Variants in H1-5 observed in about 807,000 individuals in gnomAD.
H1-5 encodes H1.5 linker histone, cluster member, also known as histone H1.5.
In H1-5, 3 loss-of-function variants were observed where a neutral mutation model predicts 4.6. That is an observed-to-expected ratio of 0.65 (90% CI 0.30 to 1.68). The LOEUF is 1.68. Among genes scored for constraint, H1-5 ranks in the 40% most tolerant of loss-of-function variants. The pLI, the probability that H1-5 is intolerant of heterozygous loss-of-function variation, is 0.10. For synonymous variants in H1-5, 250 were observed against 123.4 expected (o/e 2.03, Z -6.80); for missense variants, 521 against 287.9 (o/e 1.81, Z -5.86).
chr6:27,867,586 G>T lies in H1-5; in HGVS notation c.-57C>A. The T allele has an allele frequency of 6.8e-7, 1 of 1,469,432 alleles. No homozygotes were observed. Among genetic ancestry groups the T allele is most frequent in the Non-Finnish European group, 9.1e-7 (1 of 1,097,218 alleles). The allele number at this position is 1,469,432 out of a possible 1,614,324, so 91.0% of individuals were successfully genotyped here. A position where few individuals can be genotyped will look rare whatever the true frequency, so the allele number is the denominator to read the frequency against. On this transcript the variant is annotated 5_prime_UTR_variant, in exon 1 of 1. Transcript: ENST00000331442. ...TCGAAATCTAAAGAGCAGGTTTTGC[G>T]TTGCTGCTATGCTCGGGCCCCGGGC...
chr6:27,867,535 C>A lies in H1-5; in HGVS notation c.-6G>T, dbSNP rs766108915. ...GCAGGAGCGGTTTCCGACATGGTGGCAAGAAACTGCTAGAAGAGAATAAGC... is the reference window on the plus strand; with the variant it reads ...GCAGGAGCGGTTTCCGACATGGTGGAAAGAAACTGCTAGAAGAGAATAAGC... On this transcript the variant is annotated 5_prime_UTR_variant, in exon 1 of 1. Coordinates refer to ENST00000331442, the MANE Select transcript of H1-5 (RefSeq NM_005322.3). 6.5e-7 allele frequency: 1 copy of A among 1,535,348 alleles called. No homozygotes were observed. Among genetic ancestry groups the A allele is most frequent in the Non-Finnish European group, 8.7e-7 (1 of 1,147,582 alleles).
At position 27,867,224 on chromosome 6, in the gene H1-5, A is replaced by G; in HGVS notation, c.306T>C (p.Thr102=). Residue 102 remains threonine, a synonymous_variant, in exon 1 of 1, where the codon ACT becomes ACC. Transcript: ENST00000331442. The part of the protein sequence containing the change: ...SKGTLVQTKG[T]GASGSFKLNK... Reference sequence around the variant, plus strand: ...TGAGTTTAAAGGAGCCAGAAGCACCAGTGCCCTTGGTCTGCACCAGGGTGC... The same window carrying G: ...TGAGTTTAAAGGAGCCAGAAGCACCGGTGCCCTTGGTCTGCACCAGGGTGC... 2.5e-6 allele frequency: 4 copies of G among 1,614,238 alleles called. No homozygotes were observed. Among genetic ancestry groups the G allele is most frequent in the Non-Finnish European group, 3.4e-6 (4 of 1,180,036 alleles).
chr6:27,867,355 C>T lies in H1-5; in HGVS notation c.175G>A (p.Gly59Ser), dbSNP rs974799562. ...KAVAASKERNGLSLAALKKAL... is the reference protein window; with the variant it reads ...KAVAASKERNSLSLAALKKAL... ...TTCTTAAGGGCTGCCAAAGAAAGGC[C>T]ATTGCGCTCCTTAGAAGCAGCCACA... The change falls in exon 1 of 1, where the codon GGC becomes AGC. Residue 59 changes from glycine to serine, a missense_variant. Transcript: ENST00000331442. The T allele has an allele frequency of 1.2e-6, 2 of 1,614,270 alleles. No individual in the cohort carries two copies. Among genetic ancestry groups the T allele is most frequent in the Non-Finnish European group, 1.7e-6 (2 of 1,180,044 alleles).
In H1-5 at chr6:27,867,520, T is replaced by C. The variant is rs1423369580; in HGVS notation, c.10A>G (p.Thr4Ala). The change falls in exon 1 of 1, where the codon ACC becomes GCC. Residue 4 changes from threonine (T) to alanine (A), a missense_variant. Physicochemically the swap from Thr to Ala is moderately conservative, Grantham distance 58 (BLOSUM62 0). Coordinates refer to ENST00000331442, the MANE Select transcript of H1-5 (RefSeq NM_005322.3). MSE[T>A]APAETATPAP... The stretch of plus-strand genomic sequence containing the variant: ...GGGGTGGCTGTCTCGGCAGGAGCGG[T>C]TTCCGACATGGTGGCAAGAAACTGC... 7.1e-6 allele frequency: 11 copies of C among 1,544,118 alleles called. No individual in the cohort carries two copies. The highest frequency in any genetic ancestry group is 1.3e-5 in the South Asian group (1 of 79,070).
Position 27,867,243 on chromosome 6 carries a change from A to T in H1-5, c.287T>A (p.Leu96Gln). ...AGCACCAGTGCCCTTGGTCTGCACC[A>T]GGGTGCCCTTGCTCACCAAGCTCTT... ...GLKSLVSKGT[L>Q]VQTKGTGASG... Residue 96 changes from leucine (L) to glutamine (Q), a missense_variant, in exon 1 of 1, where the codon CTG becomes CAG. Coordinates refer to ENST00000331442, the MANE Select transcript of H1-5 (RefSeq NM_005322.3). 2 of 1,614,238 alleles carry T rather than the reference A, an allele frequency of 1.2e-6. No homozygotes were observed. Among genetic ancestry groups the T allele is most frequent in the Non-Finnish European group, 1.7e-6 (2 of 1,180,024 alleles).
rs752629759 is a variant in H1-5, at chr6:27,866,817, G to T, written c.*32C>A. ...TGGGTGGCTCTGAAAAGAGCCTTTG[G>T]GGCTTTGTTGCGGTTTTCACACGCC... is the stretch of plus-strand genomic sequence containing the variant. On this transcript the variant is annotated 3_prime_UTR_variant, in exon 1 of 1. Coordinates refer to ENST00000331442, the MANE Select transcript of H1-5 (RefSeq NM_005322.3). 1 of 1,543,096 alleles carries T rather than the reference G, an allele frequency of 6.5e-7. No individual in the cohort carries two copies. The highest frequency in any genetic ancestry group is 8.7e-7 in the Non-Finnish European group (1 of 1,148,514).
rs557802671 is a variant in H1-5, at chr6:27,867,279, T to C, written c.251A>G (p.Lys84Arg). The change falls in exon 1 of 1, where the codon AAG becomes AGG. Residue 84 changes from lysine to arginine, a missense_variant. Coordinates refer to ENST00000331442, the MANE Select transcript of H1-5 (RefSeq NM_005322.3). Reference sequence around the variant, plus strand: ...GCTCACCAAGCTCTTGAGGCCCAGCTTAATGCGGCTGTTATTCTTCTCCAC... The same window carrying C: ...GCTCACCAAGCTCTTGAGGCCCAGCCTAATGCGGCTGTTATTCTTCTCCAC... ...YDVEKNNSRI[K>R]LGLKSLVSKG... 8 of 1,614,246 alleles carry C rather than the reference T, an allele frequency of 5.0e-6. 1 individual carries two copies. In the South Asian group the frequency reaches 8.8e-5, roughly 18 times the overall value.
In H1-5 at chr6:27,867,487, C is replaced by G. The variant is rs766450212; in HGVS notation, c.43G>C (p.Val15Leu). The change falls in exon 1 of 1, where the codon GTG becomes CTG. Residue 15 changes from valine (V) to leucine (L), a missense_variant. By Grantham distance (32) the Val-to-Leu change is conservative. Coordinates refer to ENST00000331442, the MANE Select transcript of H1-5 (RefSeq NM_005322.3). ...APAETATPAP[V>L]EKSPAKKKAT... Reference sequence around the variant, plus strand: ...TTCTTCTTAGCCGGGGATTTCTCCACCGGCGCTGGGGTGGCTGTCTCGGCA... The same window carrying G: ...TTCTTCTTAGCCGGGGATTTCTCCAGCGGCGCTGGGGTGGCTGTCTCGGCA... 14 of 1,583,834 alleles carry G rather than the reference C, an allele frequency of 8.8e-6. No homozygotes were observed. Among genetic ancestry groups the G allele is most frequent in the South Asian group, 2.3e-5 (2 of 86,662 alleles).
At position 27,867,131 on chromosome 6, in the gene H1-5, C is replaced by T. The variant is rs750300228; in HGVS notation, c.399G>A (p.Lys133=). The part of the protein sequence containing the change: ...AKKAGAAKAK[K]PAGATPKKAK... ...CCTTCTTAGGCGTGGCCCCCGCGGG[C>T]TTCTTAGCTTTAGCGGCGCCTGCCT... Residue 133 remains lysine, a synonymous_variant, in exon 1 of 1, where the codon AAG becomes AAA. Coordinates refer to ENST00000331442, the MANE Select transcript of H1-5 (RefSeq NM_005322.3). 6.2e-7 allele frequency: 1 copy of T among 1,614,136 alleles called. No individual in the cohort carries two copies. Among genetic ancestry groups the T allele is most frequent in the South Asian group, 1.1e-5 (1 of 91,082 alleles).
At position 27,866,887 on chromosome 6, in the gene H1-5, C is replaced by G. The variant is rs1207966785; in HGVS notation, c.643G>C (p.Ala215Pro). The G allele has an allele frequency of 6.9e-6, 11 of 1,605,484 alleles. No individual in the cohort carries two copies. Among genetic ancestry groups the G allele is most frequent in the Non-Finnish European group, 9.3e-6 (11 of 1,177,794 alleles). The change falls in exon 1 of 1, where the codon GCT (alanine) becomes CCT (proline). Residue 215 changes from alanine (A) to proline (P), a missense_variant. Transcript: ENST00000331442. ...GCAGCCGCCTTCTTGGCCTTTGCAG[C>G]TTTAGGTTTTGCTGCTTTGGGCTTA... Reference protein sequence around the residue: ...AAKPKAAKPKAAKAKKAAAKK... With the variant: ...AAKPKAAKPKPAKAKKAAAKK...
In H1-5 at chr6:27,867,475, G is replaced by A. The variant is rs1243407632; in HGVS notation, c.55C>T (p.Pro19Ser). 1.3e-6 allele frequency: 2 copies of A among 1,588,590 alleles called. No homozygotes were observed. The highest frequency in any genetic ancestry group is 1.7e-6 in the Non-Finnish European group (2 of 1,169,750). The change falls in exon 1 of 1, where the codon CCG (proline) becomes TCG (serine). Residue 19 changes from proline to serine, a missense_variant. Pro to Ser is a moderately conservative substitution (Grantham distance 74). Coordinates refer to ENST00000331442, the MANE Select transcript of H1-5 (RefSeq NM_005322.3). ...TTCTTAGTTGCCTTCTTCTTAGCCG[G>A]GGATTTCTCCACCGGCGCTGGGGTG... ...TATPAPVEKS[P>S]AKKKATKKAA...
Position 27,867,560 on chromosome 6 carries a change from C to T in H1-5, c.-31G>A, listed in dbSNP as rs764801396. ...CAAGAAACTGCTAGAAGAGAATAAG[C>T]TCGAAATCTAAAGAGCAGGTTTTGC... On this transcript the variant is annotated 5_prime_UTR_variant, in exon 1 of 1. Transcript: ENST00000331442. 6.6e-6 allele frequency: 10 copies of T among 1,517,822 alleles called. No homozygotes were observed. The African/African-American group carries it at 8.4e-5, about 13-fold the overall frequency. 94.0% of individuals were successfully genotyped at this position (1,517,822 alleles called of 1,614,324 possible). A position where few individuals can be genotyped will look rare whatever the true frequency, so the allele number is the denominator to read the frequency against.
In H1-5 at chr6:27,866,954, C is replaced by T; in HGVS notation, c.576G>A (p.Lys192=). Residue 192 remains lysine (K), a synonymous_variant, in exon 1 of 1, where the codon AAG becomes AAA. Coordinates refer to ENST00000331442, the MANE Select transcript of H1-5 (RefSeq NM_005322.3). The part of the protein sequence containing the change: ...KPKKATKSPA[K]PKAVKPKAAK... ...CCGCCTTCGGCTTAACTGCCTTGGG[C>T]TTGGCAGGACTCTTGGTTGCCTTTT... 1.2e-6 allele frequency: 2 copies of T among 1,614,182 alleles called. No individual in the cohort carries two copies. The highest frequency in any genetic ancestry group is 1.7e-6 in the Non-Finnish European group (2 of 1,180,030).
At position 27,867,544 on chromosome 6, in the gene H1-5, G is replaced by T; in HGVS notation, c.-15C>A. Reference sequence around the variant, plus strand: ...GTTTCCGACATGGTGGCAAGAAACTGCTAGAAGAGAATAAGCTCGAAATCT... The same window carrying T: ...GTTTCCGACATGGTGGCAAGAAACTTCTAGAAGAGAATAAGCTCGAAATCT... On this transcript the variant is annotated 5_prime_UTR_variant, in exon 1 of 1. Transcript: ENST00000331442. 1.3e-6 allele frequency: 2 copies of T among 1,529,362 alleles called. No homozygotes were observed. Among genetic ancestry groups the T allele is most frequent in the Non-Finnish European group, 1.7e-6 (2 of 1,143,914 alleles). 94.7% of individuals were successfully genotyped at this position (1,529,362 alleles called of 1,614,324 possible). A position where few individuals can be genotyped will look rare whatever the true frequency, so the allele number is the denominator to read the frequency against.
Position 27,867,478 on chromosome 6 carries a change from A to G in H1-5, c.52T>C (p.Ser18Pro), listed in dbSNP as rs761649062. 6.3e-6 allele frequency: 10 copies of G among 1,586,958 alleles called. No individual in the cohort carries two copies. The highest frequency in any genetic ancestry group is 8.6e-6 in the Non-Finnish European group (10 of 1,168,860). ...ETATPAPVEK[S>P]PAKKKATKKA... ...TTAGTTGCCTTCTTCTTAGCCGGGGATTTCTCCACCGGCGCTGGGGTGGCT... is the reference window on the plus strand; with the variant it reads ...TTAGTTGCCTTCTTCTTAGCCGGGGGTTTCTCCACCGGCGCTGGGGTGGCT... The change falls in exon 1 of 1, where the codon TCC (serine) becomes CCC (proline). Residue 18 changes from serine (S) to proline (P), a missense_variant. By Grantham distance (74) the Ser-to-Pro change is moderately conservative. Coordinates refer to ENST00000331442, the MANE Select transcript of H1-5 (RefSeq NM_005322.3).
At position 27,867,203 on chromosome 6, in the gene H1-5, T is replaced by C; in HGVS notation, c.327A>G (p.Lys109=). 6.2e-7 allele frequency: 1 copy of C among 1,614,184 alleles called. No individual in the cohort carries two copies. Among genetic ancestry groups the C allele is most frequent in the Non-Finnish European group, 8.5e-7 (1 of 1,180,032 alleles). ...TKGTGASGSF[K]LNKKAASGEA... Reference sequence around the variant, plus strand: ...CCCCGGAGGCCGCCTTCTTGTTGAGTTTAAAGGAGCCAGAAGCACCAGTGC... The same window carrying C: ...CCCCGGAGGCCGCCTTCTTGTTGAGCTTAAAGGAGCCAGAAGCACCAGTGC... Residue 109 remains lysine (K), a synonymous_variant, in exon 1 of 1, where the codon AAA becomes AAG. Coordinates refer to ENST00000331442, the MANE Select transcript of H1-5 (RefSeq NM_005322.3).
chr6:27,866,810 G>A lies in H1-5; in HGVS notation c.*39C>T, dbSNP rs765296415. 2 of 1,520,570 alleles carry A rather than the reference G, an allele frequency of 1.3e-6. No individual in the cohort carries two copies. Among genetic ancestry groups the A allele is most frequent in the South Asian group, 1.3e-5 (1 of 78,136 alleles). The allele number at this position is 1,520,570 out of a possible 1,614,324, so 94.2% of individuals were successfully genotyped here. A position where few individuals can be genotyped will look rare whatever the true frequency, so the allele number is the denominator to read the frequency against. On this transcript the variant is annotated 3_prime_UTR_variant, in exon 1 of 1. Coordinates refer to ENST00000331442, the MANE Select transcript of H1-5 (RefSeq NM_005322.3). The stretch of plus-strand genomic sequence containing the variant: ...AGGTCTCTGGGTGGCTCTGAAAAGA[G>A]CCTTTGGGGCTTTGTTGCGGTTTTC...
At position 27,866,871 on chromosome 6, in the gene H1-5, T is replaced by C; in HGVS notation, c.659A>G (p.Lys220Arg). Residue 220 changes from lysine to arginine, a missense_variant, in exon 1 of 1, where the codon AAG becomes AGG. Physicochemically the swap from Lys to Arg is conservative, Grantham distance 26. Transcript: ENST00000331442. Reference protein sequence around the residue: ...AAKPKAAKAKKAAAKKK With the variant: ...AAKPKAAKAKRAAAKKK ...TTCCTACTTCTTTTTGGCAGCCGCCTTCTTGGCCTTTGCAGCTTTAGGTTT... is the reference window on the plus strand; with the variant it reads ...TTCCTACTTCTTTTTGGCAGCCGCCCTCTTGGCCTTTGCAGCTTTAGGTTT... 1 of 1,598,648 alleles carries C rather than the reference T, an allele frequency of 6.3e-7. No homozygotes were observed. Among genetic ancestry groups the C allele is most frequent in the Non-Finnish European group, 8.5e-7 (1 of 1,175,872 alleles).
Position 27,867,588 on chromosome 6 carries a change from T to C in H1-5, c.-59A>G. On this transcript the variant is annotated 5_prime_UTR_variant, in exon 1 of 1. Coordinates refer to ENST00000331442, the MANE Select transcript of H1-5 (RefSeq NM_005322.3). Reference sequence around the variant, plus strand: ...GAAATCTAAAGAGCAGGTTTTGCGTTGCTGCTATGCTCGGGCCCCGGGCTT... The same window carrying C: ...GAAATCTAAAGAGCAGGTTTTGCGTCGCTGCTATGCTCGGGCCCCGGGCTT... 1 of 1,457,636 alleles carries C rather than the reference T, an allele frequency of 6.9e-7. No individual in the cohort carries two copies. Among genetic ancestry groups the C allele is most frequent in the East Asian group, 2.3e-5 (1 of 43,104 alleles). The allele number at this position is 1,457,636 out of a possible 1,614,324, so 90.3% of individuals were successfully genotyped here. A position where few individuals can be genotyped will look rare whatever the true frequency, so the allele number is the denominator to read the frequency against.
Sources: allele counts gnomAD v4.1 joint callset, GRCh38; gene constraint gnomAD v4.1.1; transcripts MANE v1.5; gene names NCBI Gene and HGNC (gene_info 2026-07-23, HGNC 2026-07-21).